The following FTO variants were observed in gnomAD, a reference collection of about 807,000 sequenced individuals.
FTO encodes alpha-ketoglutarate-dependent dioxygenase FTO.
In FTO, 47 loss-of-function variants were observed where a neutral mutation model predicts 63.9. The observed-to-expected ratio is 0.74, with a 90% CI of 0.58 to 0.94. FTO has a LOEUF of 0.94. FTO is among the 40% of genes least tolerant of loss of function. FTO has a pLI of 0.00. For synonymous variants in FTO, 207 were observed against 224.4 expected (o/e 0.92, Z 0.69); for missense variants, 562 against 618.1 (o/e 0.91, Z 0.96).
At chr16:54,059,781 A>G (rs902957377) in intron 8 of FTO, among the ~76,000 whole-genome samples, 1 of 152,210 alleles carries the variant, frequency 6.6e-6, no homozygotes, top group Non-Finnish European at 1.5e-5. Context: ...GCTACTCTCT[A>G]TCTGTCAGCT....
rs116259780 is a variant in FTO at position 54,068,833 on chromosome 16, C to T, written c.1365-42929C>T. Among the ~76,000 whole-genome samples, 409 of 152,138 alleles carry T rather than the reference C, an allele frequency of 2.7e-3. 3 individuals carry two copies. Among genetic ancestry groups the T allele is most frequent in the African/African-American group, 9.3e-3 (386 of 41,512 alleles). ...CCACTCTTCTTCCAGCAGCCCATCT[C>T]GGCAAATAATATTGAGATGCGGTAA... On this transcript the variant is annotated intron_variant, in intron 8 of 8. Transcript: ENST00000471389.
intron 1 of FTO, among the ~76,000 whole-genome samples, chr16:53,710,023 G>A (rs2075728116): frequency 6.6e-6 from 1 of 151,896 alleles, no homozygotes; most frequent in Non-Finnish European, 1.5e-5. Flanking sequence ...CCTGGTCCAG[G>A]TTCCATCTGG....
chr16:53,835,849 C>T (rs1014967644), intron 3 of FTO, among the ~76,000 whole-genome samples: 2 of 150,088 alleles, frequency 1.3e-5, no homozygotes, highest in African/African-American at 4.9e-5. Context: ...GTTTTTTAGT[C>T]TAATATCTGG....
chr16:54,068,383 C>A (rs2085782514), intron 8 of FTO, among the ~76,000 whole-genome samples: 2 of 152,144 alleles, frequency 1.3e-5, no homozygotes, highest in Non-Finnish European at 2.9e-5. Flanking sequence ...AACCTGAAAG[C>A]CAGAAGGGCA....
At chr16:54,099,107 C>A (rs1288676307) in intron 8 of FTO, among the ~76,000 whole-genome samples, 1 of 152,060 alleles carries the variant, frequency 6.6e-6, no homozygotes, top group African/African-American at 2.4e-5. Context: ...AGCGGAGAGA[C>A]CGTATTCTGT....
intron 8 of FTO, among the ~76,000 whole-genome samples, chr16:54,021,014 A>C (rs551583801): frequency 6.6e-6 from 1 of 152,326 alleles, no homozygotes; most frequent in Non-Finnish European, 1.5e-5. Flanking sequence ...TGGCACCAAG[A>C]ATAACTTGTA....
intron 8 of FTO, among the ~76,000 whole-genome samples, chr16:54,056,722 G>A (rs2085442901): frequency 6.6e-6 from 1 of 152,182 alleles, no homozygotes. Flanking sequence ...CAAGCCTCAG[G>A]TGACTGCAGC....
At chr16:53,970,693 T>C (rs2083298027) in intron 8 of FTO, among the ~76,000 whole-genome samples, 1 of 152,058 alleles carries the variant, frequency 6.6e-6, no homozygotes, top group Non-Finnish European at 1.5e-5. Context: ...GGACAGTTGC[T>C]TCCAACTCCA....
At chr16:54,059,623 C>T (rs1223722865) in intron 8 of FTO, among the ~76,000 whole-genome samples, 1 of 152,158 alleles carries the variant, frequency 6.6e-6, no homozygotes, top group Non-Finnish European at 1.5e-5. Context: ...GGCCCATCAC[C>T]AGCAATAAGA....
At position 54,077,579 on chromosome 16, in the gene FTO, C is replaced by G. The variant is rs552433701; in HGVS notation, c.1365-34183C>G. Among the ~76,000 whole-genome samples, 22 of 152,268 alleles carry G rather than the reference C, an allele frequency of 1.4e-4. No homozygotes were observed. In the East Asian group the frequency reaches 3.3e-3, roughly 23 times the overall value. ...CTCATATGATTGCCACCTTAAGACA[C>G]GGGCAGCGGTAGGACAATGTGAAGT... On this transcript the variant is annotated intron_variant, in intron 8 of 8. Transcript: ENST00000471389.
intron 8 of FTO, among the ~76,000 whole-genome samples, chr16:53,953,570 A>G (rs1180359520): frequency 6.6e-6 from 1 of 152,218 alleles, no homozygotes; most frequent in Non-Finnish European, 1.5e-5. Context: ...GCTTCATTTC[A>G]GGTGTGTAAC....
chr16:53,971,759 C>T (rs1357258890), intron 8 of FTO, among the ~76,000 whole-genome samples: 17 of 152,208 alleles, frequency 1.1e-4, no homozygotes, highest in African/African-American at 3.9e-4. Flanking sequence ...TAAGCAGGAT[C>T]CCCTTCCCGA....
At chr16:53,921,304 T>C (rs1334543822) in intron 7 of FTO, among the ~76,000 whole-genome samples, 3 of 152,200 alleles carry the variant, frequency 2.0e-5, no homozygotes, top group South Asian at 2.1e-4. Context: ...GACAGACCAC[T>C]TCAGCCTTTG....
rs560108174 is a variant in FTO, at chr16:53,734,786, A to G, written c.45+30557A>G. On this transcript the variant is annotated intron_variant, in intron 1 of 8. Coordinates refer to ENST00000471389, the MANE Select transcript of FTO (RefSeq NM_001080432.3). ...GTGATCACTGGGTTATAACAGTGCCAGGTATCATGTCCTCATGTAACTGTG... is the reference window on the plus strand; with the variant it reads ...GTGATCACTGGGTTATAACAGTGCCGGGTATCATGTCCTCATGTAACTGTG... Among the ~76,000 whole-genome samples the G allele has an allele frequency of 5.3e-5, 8 of 152,326 alleles. No individual in the cohort carries two copies. The South Asian group carries it at 6.2e-4, about 12-fold the overall frequency.
intron 1 of FTO, among the ~76,000 whole-genome samples, chr16:53,738,999 A>T (rs1018368928): frequency 1.1e-4 from 17 of 151,794 alleles, no homozygotes; most frequent in East Asian, 7.8e-4. Flanking sequence ...CTTTTAAAAA[A>T]TTTTTTGTAG....
intron 1 of FTO, chr16:53,764,069 C>G (rs1022615567): frequency 6.6e-6 from 1 of 152,146 alleles, no homozygotes; most frequent in Non-Finnish European, 1.5e-5. Flanking sequence ...TGATTTACTT[C>G]GCAGATTTGT....
At chr16:53,761,404 T>A (rs954833753) in intron 1 of FTO, among the ~76,000 whole-genome samples, 1 of 152,144 alleles carries the variant, frequency 6.6e-6, no homozygotes, top group East Asian at 1.9e-4. Flanking sequence ...ACCCAGTATA[T>A]TGTTTTAATT....
chr16:53,781,308 T>A (rs909707689), intron 1 of FTO, among the ~76,000 whole-genome samples: 2 of 152,242 alleles, frequency 1.3e-5, no homozygotes, highest in African/African-American at 4.8e-5. Context: ...CATAAGTGGA[T>A]CTTTATTTCA....
At chr16:53,998,485 C>T (rs1470299376) in intron 8 of FTO, 4 of 152,224 alleles carry the variant, frequency 2.6e-5, no homozygotes, top group Non-Finnish European at 4.4e-5. Flanking sequence ...AGGTATCCCT[C>T]AGTGTTCTTC....
Sources: allele counts gnomAD v4.1 joint callset (sites outside exome capture counted in the v4.1 genomes callset), GRCh38; gene constraint gnomAD v4.1.1; transcripts MANE v1.5; gene names NCBI Gene and HGNC (gene_info 2026-07-23, HGNC 2026-07-21).